Variants in RIMS1 observed in about 807,000 individuals in gnomAD.
RIMS1 encodes the protein regulating synaptic membrane exocytosis 1.
RIMS1 carries 83 observed loss-of-function variants against 214.1 expected under a neutral mutation model. The observed-to-expected ratio is 0.39, with a 90% CI of 0.32 to 0.47. The LOEUF is 0.47. Ranked by LOEUF, RIMS1 falls within the 20% of genes least tolerant of loss-of-function variation. The pLI, the probability that RIMS1 is intolerant of heterozygous loss-of-function variation, is 0.99. For missense variants in RIMS1, 2,050 were observed against 2,161.8 expected (o/e 0.95, Z 1.03); for synonymous variants, 793 against 786.8 (o/e 1.01, Z -0.13).
intron 4 of RIMS1, among the ~76,000 whole-genome samples, chr6:72,100,936 A>C (rs1670190464): frequency 6.6e-6 from 1 of 152,008 alleles, no homozygotes; most frequent in Admixed American, 6.6e-5. Context: ...TAGAGTTGAA[A>C]AATTATATAG....
chr6:72,102,234 T>C (rs1322030686), intron 4 of RIMS1, among the ~76,000 whole-genome samples: 1 of 152,016 alleles, frequency 6.6e-6, no homozygotes, highest in African/African-American at 2.4e-5. Context: ...ACTATTTTTT[T>C]AGTAAGGATG....
At chr6:72,345,543 GT>G (rs2097232835) in intron 29 of RIMS1, among the ~76,000 whole-genome samples, 1 of 151,822 alleles carries the variant, frequency 6.6e-6, no homozygotes, top group African/African-American at 2.4e-5. Flanking sequence ...TAGAGCTTAT[GT>G]TCTCAACCAC....
intron 29 of RIMS1, among the ~76,000 whole-genome samples, chr6:72,354,795 C>A (rs768095421): frequency 9.2e-5 from 14 of 152,272 alleles, no homozygotes; most frequent in South Asian, 2.1e-4. Context: ...GTGCTTTAGA[C>A]CTTTTGGGGT....
At chr6:72,113,564 A>G in intron 4 of RIMS1, among the ~76,000 whole-genome samples, 1 of 152,272 alleles carries the variant, frequency 6.6e-6, no homozygotes, top group Non-Finnish European at 1.5e-5. Context: ...GACATTTTAC[A>G]CGATTAATTT....
At chr6:71,938,060 A>G (rs1398938552) in intron 1 of RIMS1, among the ~76,000 whole-genome samples, 2 of 152,228 alleles carry the variant, frequency 1.3e-5, no homozygotes, top group Non-Finnish European at 2.9e-5. Flanking sequence ...CAGCCACAGG[A>G]TAAACATTCT....
At chr6:71,972,942 G>T (rs1304894524) in intron 2 of RIMS1, among the ~76,000 whole-genome samples, 1 of 152,194 alleles carries the variant, frequency 6.6e-6, no homozygotes, top group Non-Finnish European at 1.5e-5. Context: ...TTGAGACGGA[G>T]TCTTGCTCTG....
At chr6:71,984,791 A>G (rs1352864501) in intron 2 of RIMS1, among the ~76,000 whole-genome samples, 1 of 150,754 alleles carries the variant, frequency 6.6e-6, no homozygotes, top group Non-Finnish European at 1.5e-5. Context: ...CTATCTATCT[A>G]TCTATCTATC....
intron 2 of RIMS1, among the ~76,000 whole-genome samples, chr6:72,076,548 G>A (rs1831932366): frequency 6.6e-6 from 1 of 152,148 alleles, no homozygotes; most frequent in Non-Finnish European, 1.5e-5. Flanking sequence ...TGAGGGGTAG[G>A]GTTTTAATAT....
At chr6:72,288,584 C>T (rs932130484) in intron 24 of RIMS1, among the ~76,000 whole-genome samples, 4 of 152,212 alleles carry the variant, frequency 2.6e-5, no homozygotes, top group Non-Finnish European at 1.5e-5. Flanking sequence ...AGCCTGGATT[C>T]TTTCAACTTT....
At chr6:72,368,618 C>T (rs574041611) in intron 29 of RIMS1, among the ~76,000 whole-genome samples, 2 of 152,154 alleles carry the variant, frequency 1.3e-5, no homozygotes, top group Admixed American at 6.5e-5. Context: ...AAAATTCAGT[C>T]ACCAGCTCAC....
At chr6:72,315,552 A>G (rs566956919) in intron 28 of RIMS1, among the ~76,000 whole-genome samples, 77 of 152,302 alleles carry the variant, frequency 5.1e-4, no homozygotes, top group African/African-American at 1.8e-3. Flanking sequence ...TGCGGTACAT[A>G]TTTGCTCTTA....
At chr6:71,906,108 G>T (rs1466131279) in intron 1 of RIMS1, among the ~76,000 whole-genome samples, 1 of 152,136 alleles carries the variant, frequency 6.6e-6, no homozygotes. Flanking sequence ...GTGACAGTGA[G>T]ATTGTCAACT....
chr6:72,202,014 CT>C (rs2052078404), intron 6 of RIMS1, among the ~76,000 whole-genome samples: 1 of 152,222 alleles, frequency 6.6e-6, no homozygotes, highest in African/African-American at 2.4e-5. Context: ...ATTTCTGATT[CT>C]TACTGCTATT....
intron 1 of RIMS1, among the ~76,000 whole-genome samples, chr6:71,944,493 A>G (rs1377224159): frequency 6.6e-6 from 1 of 152,122 alleles, no homozygotes; most frequent in African/African-American, 2.4e-5. Context: ...ATTGAAGGCT[A>G]TGTTGAGGAA....
intron 6 of RIMS1, among the ~76,000 whole-genome samples, chr6:72,197,901 AG>A (rs2051260885): frequency 6.6e-6 from 1 of 152,134 alleles, no homozygotes; most frequent in Non-Finnish European, 1.5e-5. Flanking sequence ...GCCAAGGAAA[AG>A]GGGAAAAATG....
At position 72,333,765 on chromosome 6, in the gene RIMS1, C is replaced by G; in HGVS notation, c.4296C>G (p.Ser1432=). ...GAGCAGGTGGAAAGAAACGGAGATC[C>G]AGCCTTAGTGCCAAAGTGGTTGCCA... The part of the protein sequence containing the change: ...TVGAGGKKRR[S]SLSAKVVAIV... The change falls in exon 29 of 34, where the codon TCC becomes TCG. Residue 1432 remains serine, a synonymous_variant. Transcript: ENST00000521978. The G allele has an allele frequency of 6.3e-7, 1 of 1,599,192 alleles. No individual in the cohort carries two copies. The highest frequency in any genetic ancestry group is 8.5e-7 in the Non-Finnish European group (1 of 1,172,778).
At chr6:72,356,778 A>AAAAAT (rs548783169) in intron 29 of RIMS1, among the ~76,000 whole-genome samples, 13 of 152,008 alleles carry the variant, frequency 8.6e-5, no homozygotes, top group Admixed American at 8.5e-4. Context: ...AATAATAATA[A>AAAAAT]AAAATAAAAT....
At chr6:72,261,467 A>C in intron 19 of RIMS1, 4 of 973,260 alleles carry the variant, frequency 4.1e-6, no homozygotes, top group Non-Finnish European at 4.9e-6. Flanking sequence ...TGTTAATCTC[A>C]TTACATCTTT....
chr6:72,173,790 C>A (rs1365328253), intron 4 of RIMS1, among the ~76,000 whole-genome samples: 2 of 151,970 alleles, frequency 1.3e-5, no homozygotes, highest in Admixed American at 1.3e-4. Flanking sequence ...AAAAGCGAGG[C>A]ATGAGAATGG....
Sources: gnomAD v4.1 joint callset for allele counts (sites outside exome capture counted in the v4.1 genomes callset) on GRCh38, gnomAD v4.1.1 for gene constraint, MANE v1.5 for transcripts, NCBI Gene and HGNC (gene_info 2026-07-23, HGNC 2026-07-21) for gene names.